The following NHS variants were observed in gnomAD, a reference collection of about 807,000 sequenced individuals.
The protein encoded by NHS is actin remodeling regulator NHS.
A neutral mutation model predicts 72.5 loss-of-function variants in NHS; 5 were observed. The ratio of observed to expected loss-of-function variants is 0.07; its 90% CI spans 0.04 to 0.14. NHS has a LOEUF of 0.14. Ranked by LOEUF, NHS falls within the 10% of genes least tolerant of loss-of-function variation. The pLI, the probability that NHS is intolerant of heterozygous loss-of-function variation, is 1.00. For synonymous variants in NHS, 464 were observed against 547.7 expected, an observed-to-expected ratio of 0.85 and a Z score of 2.13; for missense variants, 1,072 against 1,355.7, an observed-to-expected ratio of 0.79 and a Z score of 3.29.
At chrX:17,577,647 A>G (rs1205493882) in intron 1 of NHS, among the ~76,000 whole-genome samples, 1 of 111,738 alleles carries the variant, frequency 8.9e-6, no homozygotes, top group Non-Finnish European at 1.9e-5. Flanking sequence ...AAGGTGGCCA[A>G]AAAAACCTGC....
chrX:17,684,283 C>A (rs1262112883), intron 1 of NHS, among the ~76,000 whole-genome samples: 1 of 112,043 alleles, frequency 8.9e-6, no homozygotes, highest in East Asian at 2.8e-4. Flanking sequence ...ATTATTATTT[C>A]TATTATTGCA....
intron 1 of NHS, among the ~76,000 whole-genome samples, chrX:17,673,043 A>G (rs772827715): frequency 9.0e-6 from 1 of 110,971 alleles, no homozygotes; most frequent in East Asian, 2.8e-4. Flanking sequence ...AGGACAGATT[A>G]AAAGGAGACA....
chrX:17,717,159 G>T (rs757378169), intron 3 of NHS, among the ~76,000 whole-genome samples: 4 of 110,981 alleles, frequency 3.6e-5, no homozygotes, highest in Non-Finnish European at 7.5e-5. Context: ...TAGAGATAAG[G>T]TTCCACCATA....
At chrX:17,429,061 C>T (rs190157521) in intron 1 of NHS, among the ~76,000 whole-genome samples, 4 of 111,797 alleles carry the variant, frequency 3.6e-5, no homozygotes, top group Admixed American at 9.5e-5. Context: ...ATAACGAAGA[C>T]GCACACACTT....
intron 1 of NHS, among the ~76,000 whole-genome samples, chrX:17,495,607 C>A (rs2065009086): frequency 9.0e-6 from 1 of 111,564 alleles, no homozygotes; most frequent in African/African-American, 3.3e-5. Context: ...GTATTATGCT[C>A]CTAGGCAGCC....
intron 1 of NHS, among the ~76,000 whole-genome samples, chrX:17,554,345 C>T (rs925067635): frequency 6.2e-5 from 7 of 112,175 alleles, no homozygotes; most frequent in Non-Finnish European, 7.5e-5. Context: ...AGTGCCTTTC[C>T]TCAGAACACT....
intron 1 of NHS, among the ~76,000 whole-genome samples, chrX:17,525,750 T>C (rs1309554034): frequency 1.8e-5 from 2 of 109,676 alleles, no homozygotes; most frequent in African/African-American, 6.7e-5. Context: ...ATTTTTGTCT[T>C]TTTAAATAGC....
At chrX:17,429,404 T>C (rs1481698812) in intron 1 of NHS, among the ~76,000 whole-genome samples, 1 of 111,924 alleles carries the variant, frequency 8.9e-6, no homozygotes, top group African/African-American at 3.2e-5. Flanking sequence ...GGACCCTTGC[T>C]GGGTATCAAA....
rs150725849 is a variant in NHS at position 17,450,544 on chromosome X, G to A, written c.565+74222G>A. On this transcript the variant is annotated intron_variant, in intron 1 of 8. Coordinates refer to ENST00000676302, the MANE Select transcript of NHS (RefSeq NM_001291867.2). ...AGAGCCAGCATTTGAACACAGTCTC[G>A]TTCCAGAGTCTGAGCTCTTATTCAC... Among the ~76,000 whole-genome samples, 158 of 111,926 alleles carry A rather than the reference G, an allele frequency of 1.4e-3. 1 individual carries two copies. The highest frequency in any genetic ancestry group is 4.8e-3 in the African/African-American group (148 of 30,799).
chrX:17,721,592 C>A lies in NHS; in HGVS notation c.1067C>A (p.Ala356Asp). 1 of 1,211,076 alleles carries A rather than the reference C, an allele frequency of 8.3e-7. No individual in the cohort carries two copies. Among genetic ancestry groups the A allele is most frequent in the Non-Finnish European group, 1.1e-6 (1 of 895,102 alleles). The change falls in exon 5 of 9, where the codon GCC becomes GAC. Residue 356 changes from alanine (A) to aspartate (D), a missense_variant. Coordinates refer to ENST00000676302, the MANE Select transcript of NHS (RefSeq NM_001291867.2). ...CCAGAGGAGAAGATGAAACAAGATG[C>A]CCAAGTGATTTCTTCTTGCATTATT... Reference protein sequence around the residue: ...PTPEEKMKQDAQVISSCIIPI... With the variant: ...PTPEEKMKQDDQVISSCIIPI...
chrX:17,446,416 C>T (rs1157603803), intron 1 of NHS, among the ~76,000 whole-genome samples: 1 of 110,655 alleles, frequency 9.0e-6, no homozygotes, highest in African/African-American at 3.3e-5. Flanking sequence ...TGGTTTGTTC[C>T]TGCCTTAACT....
At chrX:17,472,172 T>C (rs937446924) in intron 1 of NHS, among the ~76,000 whole-genome samples, 3 of 110,963 alleles carry the variant, frequency 2.7e-5, no homozygotes, top group Non-Finnish European at 3.8e-5. Flanking sequence ...AGGCACTTAG[T>C]TGTATGTGAA....
chrX:17,712,389 C>T (rs868733785), intron 3 of NHS, among the ~76,000 whole-genome samples: 2 of 90,716 alleles, frequency 2.2e-5, no homozygotes, highest in African/African-American at 9.5e-5. Context: ...CACACACACA[C>T]ACACATATAT....
chrX:17,701,931 A>G (rs1224026211), intron 3 of NHS, among the ~76,000 whole-genome samples: 1 of 111,540 alleles, frequency 9.0e-6, no homozygotes, highest in East Asian at 2.8e-4. Flanking sequence ...TCACATTGAT[A>G]TCGATCACAG....
chrX:17,572,777 T>C (rs1193809663), intron 1 of NHS, among the ~76,000 whole-genome samples: 1 of 111,606 alleles, frequency 9.0e-6, no homozygotes, highest in East Asian at 2.8e-4. Context: ...ATAGCGTCAA[T>C]GGTCTTTGCA....
intron 1 of NHS, among the ~76,000 whole-genome samples, chrX:17,597,116 G>GTTTTTT (rs59820959): frequency 3.6e-5 from 3 of 83,297 alleles, no homozygotes; most frequent in African/African-American, 5.0e-5. Flanking sequence ...CTATTCTTCC[G>GTTTTTT]TTTTTTTTTT....
chrX:17,597,116 G>GTTTTT (rs59820959), intron 1 of NHS, among the ~76,000 whole-genome samples: 1 of 83,292 alleles, frequency 1.2e-5, no homozygotes. Flanking sequence ...CTATTCTTCC[G>GTTTTT]TTTTTTTTTT....
chrX:17,565,152 A>T (rs755062347), intron 1 of NHS, among the ~76,000 whole-genome samples: 36 of 111,034 alleles, frequency 3.2e-4, no homozygotes, highest in African/African-American at 1.1e-3. Context: ...TCCACCTTGT[A>T]GTGTCCCTCT....
At chrX:17,429,761 G>C (rs2146873788) in intron 1 of NHS, among the ~76,000 whole-genome samples, 1 of 111,314 alleles carries the variant, frequency 9.0e-6, no homozygotes, top group East Asian at 2.9e-4. Flanking sequence ...GGTTATTGCT[G>C]AGTTGCTGTT....
Sources: allele counts gnomAD v4.1 joint callset (sites outside exome capture counted in the v4.1 genomes callset), GRCh38; gene constraint gnomAD v4.1.1; transcripts MANE v1.5; gene names NCBI Gene and HGNC (gene_info 2026-07-23, HGNC 2026-07-21).